MAP2K5: variants seen among roughly 807,000 people sequenced by gnomAD.
The protein encoded by MAP2K5 is mitogen-activated protein kinase kinase 5.
A neutral mutation model predicts 83.1 loss-of-function variants in MAP2K5; 49 were observed. The ratio of observed to expected loss-of-function variants is 0.59; its 90% CI spans 0.47 to 0.75. MAP2K5 has a LOEUF of 0.75. Ranked by LOEUF, MAP2K5 falls within the 30% of genes least tolerant of loss-of-function variation. The probability of loss-of-function intolerance (pLI) is 0.00; values close to 1 mark genes in which losing one functional copy is unlikely to be tolerated. For synonymous variants in MAP2K5, 202 were observed against 191.8 expected, an observed-to-expected ratio of 1.05 and a Z score of -0.44; for missense variants, 457 against 557.5, an observed-to-expected ratio of 0.82 and a Z score of 1.82.
chr15:67,805,688 T>A (rs2090790083), intron 21 of MAP2K5, among the ~76,000 whole-genome samples: 1 of 152,196 alleles, frequency 6.6e-6, no homozygotes, highest in Non-Finnish European at 1.5e-5. Context: ...CCCCATTCTC[T>A]GTCCTCGCTA....
At chr15:67,624,754 C>T (rs1202171362) in intron 8 of MAP2K5, among the ~76,000 whole-genome samples, 4 of 151,326 alleles carry the variant, frequency 2.6e-5, no homozygotes, top group Non-Finnish European at 5.9e-5. Context: ...CTCAGCCTCC[C>T]GAGTAGCTGG....
rs1232477432 is a variant in MAP2K5, at chr15:67,749,861, C to G, written c.1134+1260C>G. Among the ~76,000 whole-genome samples, 1 of 152,190 alleles carries G rather than the reference C, an allele frequency of 6.6e-6. No homozygotes were observed. Among genetic ancestry groups the G allele is most frequent in the Admixed American group, 6.5e-5 (1 of 15,278 alleles). ...TAACTGGTTTTCCTGAGGTCCCCCT[C>G]CAGTTTTGCTTGAGGAAGTGTCTGG... On this transcript the variant is annotated intron_variant, in intron 19 of 21. Coordinates refer to ENST00000178640, the MANE Select transcript of MAP2K5 (RefSeq NM_145160.3). The surrounding 1 kb of genome is among the most constrained non-coding windows in gnomAD (Gnocchi z 4.6).
rs2090204695 is a variant in MAP2K5, at chr15:67,774,614, C to T, written c.1242+1862C>T. ...TCCTAGGGGCCCAATCTAAAGGAAC[C>T]AGCCTCTTTATTCCTTCCAGCATAT... On this transcript the variant is annotated intron_variant, in intron 21 of 21. Transcript: ENST00000178640. The surrounding 1 kb of genome is among the most constrained non-coding windows in gnomAD (Gnocchi z 4.9). Among the ~76,000 whole-genome samples the T allele has an allele frequency of 6.6e-6, 1 of 152,198 alleles. No individual in the cohort carries two copies. Among genetic ancestry groups the T allele is most frequent in the African/African-American group, 2.4e-5 (1 of 41,450 alleles).
intron 8 of MAP2K5, among the ~76,000 whole-genome samples, chr15:67,614,418 G>T (rs1461394142): frequency 6.6e-6 from 1 of 152,186 alleles, no homozygotes; most frequent in Non-Finnish European, 1.5e-5. Context: ...TGTGAGCAAA[G>T]ATTAGATGGT....
intron 16 of MAP2K5, among the ~76,000 whole-genome samples, chr15:67,726,199 T>TACAC (rs1329893530): frequency 6.6e-6 from 1 of 152,244 alleles, no homozygotes; most frequent in Admixed American, 6.5e-5. Context: ...CATACATATA[T>TACAC]ACACATACAC....
intron 13 of MAP2K5, among the ~76,000 whole-genome samples, chr15:67,691,791 A>G (rs1359604040): frequency 6.6e-6 from 1 of 152,212 alleles, no homozygotes; most frequent in East Asian, 1.9e-4. Flanking sequence ...GGTGAAATCT[A>G]TGTCAATTCT....
intron 16 of MAP2K5, among the ~76,000 whole-genome samples, chr15:67,709,281 T>C (rs1036460072): frequency 6.6e-6 from 1 of 152,122 alleles, no homozygotes; most frequent in Non-Finnish European, 1.5e-5. Flanking sequence ...CAAGAATCAA[T>C]GTGGAAATGC....
intron 15 of MAP2K5, among the ~76,000 whole-genome samples, chr15:67,699,503 C>T (rs2088357166): frequency 6.6e-6 from 1 of 152,178 alleles, no homozygotes. Context: ...GTGGAACAAA[C>T]TATGACCATA....
intron 8 of MAP2K5, among the ~76,000 whole-genome samples, chr15:67,618,998 G>A (rs1008983180): frequency 6.6e-6 from 1 of 152,048 alleles, no homozygotes; most frequent in African/African-American, 2.4e-5. Flanking sequence ...CCTCACCATG[G>A]CCTAAATGGT....
In MAP2K5 at chr15:67,666,640, CA is replaced by C. The variant is rs1040704349; in HGVS notation, c.847+1996del. 1.7e-3 allele frequency among the ~76,000 whole-genome samples: 257 copies of C among 152,244 alleles called. 1 individual carries two copies. Among genetic ancestry groups the C allele is most frequent in the African/African-American group, 5.8e-3 (241 of 41,556 alleles). On this transcript the variant is annotated intron_variant, in intron 13 of 21. Coordinates refer to ENST00000178640, the MANE Select transcript of MAP2K5 (RefSeq NM_145160.3). ...TTTCGTTAGTGACGGACAAGGGCTG[CA>C]GTGGTTTGACTGATGGAGAGCATAG...
rs2088068259 is a variant in MAP2K5 at position 67,690,166 on chromosome 15, CA to C, written c.848-2309del. Among the ~76,000 whole-genome samples the C allele has an allele frequency of 6.6e-6, 1 of 151,884 alleles. No homozygotes were observed. Among genetic ancestry groups the C allele is most frequent in the Admixed American group, 6.6e-5 (1 of 15,238 alleles). On this transcript the variant is annotated intron_variant, in intron 13 of 21. Transcript: ENST00000178640. This position sits in a 1 kb window ranked among gnomAD's most constrained non-coding sequence, Gnocchi z 4.3. ...TCAATATGTAAAAGAACAAATTGTC[CA>C]AAAGAAAAATATTTAAAACTGAGGG...
At chr15:67,671,481 T>C (rs955623817) in intron 13 of MAP2K5, among the ~76,000 whole-genome samples, 11 of 152,294 alleles carry the variant, frequency 7.2e-5, no homozygotes, top group Admixed American at 4.6e-4. Flanking sequence ...GTGCCTTAGC[T>C]AAGAAAATGT....
chr15:67,550,049 G>A lies in MAP2K5; in HGVS notation c.151G>A (p.Val51Ile). 1 of 1,613,646 alleles carries A rather than the reference G, an allele frequency of 6.2e-7. No homozygotes were observed. Among genetic ancestry groups the A allele is most frequent in the Non-Finnish European group, 8.5e-7 (1 of 1,179,664 alleles). ...FRDVLDVIGQVLPEATTTAFE... is the reference protein window; with the variant it reads ...FRDVLDVIGQILPEATTTAFE... ...CTTTGTTTAGGATGTGATAGGCCAG[G>A]TTCTGCCTGAAGCAACAACTACAGC... Residue 51 changes from valine to isoleucine, a missense_variant, in exon 2 of 22, where the codon GTT becomes ATT. Val to Ile is a conservative substitution (Grantham distance 29). Transcript: ENST00000178640.
rs140101662 is a variant in MAP2K5, at chr15:67,638,657, C to T, written c.586-7574C>T. Among the ~76,000 whole-genome samples, 48 of 152,300 alleles carry T rather than the reference C, an allele frequency of 3.2e-4. No homozygotes were observed. The highest frequency in any genetic ancestry group is 6.5e-4 in the Admixed American group (10 of 15,302). On this transcript the variant is annotated intron_variant, in intron 9 of 21. Transcript: ENST00000178640. This position sits in a 1 kb window ranked among gnomAD's most constrained non-coding sequence, Gnocchi z 4.5. The stretch of plus-strand genomic sequence containing the variant: ...TTTGAGGAATCACTGCACTGTCTTC[C>T]ACAATGGTTGAACTAATTTACACTC...
intron 16 of MAP2K5, among the ~76,000 whole-genome samples, chr15:67,721,733 GT>G (rs1290409100): frequency 1.3e-5 from 2 of 152,170 alleles, no homozygotes; most frequent in Admixed American, 6.5e-5. Flanking sequence ...GAAAGAGTTT[GT>G]GAAAATAAGC....
At chr15:67,662,627 T>C (rs2141149371) in intron 12 of MAP2K5, among the ~76,000 whole-genome samples, 1 of 152,232 alleles carries the variant, frequency 6.6e-6, no homozygotes, top group East Asian at 1.9e-4. Context: ...TACATAAAGA[T>C]TTTTTAAGTT....
chr15:67,806,006 G>A (rs1003079682), intron 21 of MAP2K5, among the ~76,000 whole-genome samples: 1 of 152,136 alleles, frequency 6.6e-6, no homozygotes, highest in Non-Finnish European at 1.5e-5. Context: ...AGAACCAGAG[G>A]CAGGCCACAG....
intron 8 of MAP2K5, chr15:67,628,966 A>G (rs988956986): frequency 2.1e-5 from 16 of 764,274 alleles, no homozygotes; most frequent in Middle Eastern, 7.3e-4. Flanking sequence ...GATTTTGGCA[A>G]TTTCAACAAT....
intron 17 of MAP2K5, among the ~76,000 whole-genome samples, chr15:67,737,292 C>T (rs2089363033): frequency 6.6e-6 from 1 of 152,146 alleles, no homozygotes; most frequent in African/African-American, 2.4e-5. Context: ...ACAAAGACAT[C>T]AACTTTTATT....
Sources: allele counts gnomAD v4.1 joint callset (sites outside exome capture counted in the v4.1 genomes callset), GRCh38; gene constraint gnomAD v4.1.1; non-coding constraint Gnocchi (gnomAD v3.1); transcripts MANE v1.5; gene names NCBI Gene and HGNC (gene_info 2026-07-23, HGNC 2026-07-21).